Variants in PPP6R1 observed in about 807,000 individuals in gnomAD.
PPP6R1 encodes the protein serine/threonine-protein phosphatase 6 regulatory subunit 1.
In PPP6R1, 39 loss-of-function variants were observed where a neutral mutation model predicts 104.6. The observed-to-expected ratio is 0.37, with a 90% CI of 0.29 to 0.49. The LOEUF (loss-of-function observed/expected upper bound fraction) is 0.49. Among genes scored for constraint, PPP6R1 ranks in the 20% least tolerant of loss-of-function variants. The pLI is 0.98. For synonymous variants in PPP6R1, 549 were observed against 479.0 expected (o/e 1.15, Z -1.91); for missense variants, 1,181 against 1,155.8 (o/e 1.02, Z -0.32).
At chr19:55,243,665 C>CA (rs756399928) in intron 5 of PPP6R1, among the ~76,000 whole-genome samples, 1 of 151,000 alleles carries the variant, frequency 6.6e-6, no homozygotes. Context: ...GACACTGTCT[C>CA]AAAAAAAAGA....
At chr19:55,239,250 C>T (rs553644114) in intron 15 of PPP6R1, 155 bp downstream of exon 15, 3 of 693,896 alleles carry the variant, frequency 4.3e-6, no homozygotes, top group African/African-American at 3.5e-5. Context: ...TGCAGACACA[C>T]ACACAAGGCC....
rs1306773599 is a variant in PPP6R1 at position 55,241,089 on chromosome 19, G to C, written c.1162-10C>G. The C allele has an allele frequency of 1.5e-5, 24 of 1,549,394 alleles. No individual in the cohort carries two copies. Among genetic ancestry groups the C allele is most frequent in the Non-Finnish European group, 2.0e-5 (23 of 1,146,870 alleles). Reference sequence around the variant, plus strand: ...AATGGAAGAAGAGGTCCTATGGGAGGACACAGGATTGGTACCAGAGAGGCC... The same window carrying C: ...AATGGAAGAAGAGGTCCTATGGGAGCACACAGGATTGGTACCAGAGAGGCC... On this transcript the variant is annotated splice_polypyrimidine_tract_variant and intron_variant, in intron 9 of 23. Transcript: ENST00000412770. The surrounding 1 kb of genome is among the most constrained non-coding windows in gnomAD (Gnocchi z 5.4).
At chr19:55,249,700 G>C (rs1221056478) in intron 1 of PPP6R1, among the ~76,000 whole-genome samples, 1 of 152,146 alleles carries the variant, frequency 6.6e-6, no homozygotes, top group East Asian at 1.9e-4. Context: ...AATTAGCCGG[G>C]CATGGTGGTG....
At position 55,241,663 on chromosome 19, in the gene PPP6R1, C is replaced by T. The variant is rs372636042; in HGVS notation, c.846-24G>A. 11 of 1,540,034 alleles carry T rather than the reference C, an allele frequency of 7.1e-6. No individual in the cohort carries two copies. In the East Asian group the frequency reaches 7.2e-5, roughly 10 times the overall value. Reference sequence around the variant, plus strand: ...ACCTGCAGCAGGGCAGGGTCGAAGGCGGAGTGAGCCTAGATGGCCTGTGCG... The same window carrying T: ...ACCTGCAGCAGGGCAGGGTCGAAGGTGGAGTGAGCCTAGATGGCCTGTGCG... On this transcript the variant is annotated intron_variant, in intron 7 of 23. Transcript: ENST00000412770. The surrounding 1 kb of genome is among the most constrained non-coding windows in gnomAD (Gnocchi z 5.4).
intron 15 of PPP6R1, among the ~76,000 whole-genome samples, chr19:55,237,573 T>C (rs1332809540): frequency 6.6e-6 from 1 of 152,200 alleles, no homozygotes; most frequent in Non-Finnish European, 1.5e-5. Flanking sequence ...CAAGGGATCA[T>C]TTGTCTCAAA....
At chr19:55,246,007 T>C (rs1219272866) in intron 2 of PPP6R1, among the ~76,000 whole-genome samples, 3 of 152,174 alleles carry the variant, frequency 2.0e-5, no homozygotes, top group Admixed American at 1.3e-4. Context: ...CAACCCCGTA[T>C]GCTGCCCCAG....
intron 12 of PPP6R1, 36 bp from the exon 13 acceptor site, chr19:55,239,947 T>G: frequency 6.2e-7 from 1 of 1,612,758 alleles, no homozygotes; most frequent in Non-Finnish European, 8.5e-7. Flanking sequence ...GTGAGGCATC[T>G]CGGGGCTTCA....
At chr19:55,249,966 A>C (rs1349447619) in intron 1 of PPP6R1, among the ~76,000 whole-genome samples, 1 of 152,140 alleles carries the variant, frequency 6.6e-6, no homozygotes, top group Non-Finnish European at 1.5e-5. Flanking sequence ...ACTGACCTCC[A>C]TGCCCACGGT....
Position 55,231,466 on chromosome 19 carries a change from G to A in PPP6R1, c.2403C>T (p.Ile801=), listed in dbSNP as rs376475781. The A allele has an allele frequency of 9.2e-5, 148 of 1,608,618 alleles. No individual in the cohort carries two copies. Among genetic ancestry groups the A allele is most frequent in the Middle Eastern group, 1.7e-4 (1 of 5,984 alleles). The change falls in exon 21 of 24, where the codon ATC becomes ATT. Residue 801 remains isoleucine (I), a synonymous_variant. Coordinates refer to ENST00000412770, the MANE Select transcript of PPP6R1 (RefSeq NM_014931.4). ...CGTGGAAGGTGGCCTGAAGGTCCCC[G>A]ATGCTAACCAAGGCCTGGCAAGGGG... ...PSAPCQALVS[I]GDLQATFHGI...
intron 21 of PPP6R1, 118 bp from the exon 22 acceptor site, chr19:55,231,002 G>T: frequency 4.6e-6 from 4 of 861,012 alleles, no homozygotes; most frequent in Non-Finnish European, 7.3e-6. Context: ...CCTGCCCCAC[G>T]GGGAGGGGCC....
chr19:55,245,687 C>A lies in PPP6R1; in HGVS notation c.228-9G>T, dbSNP rs562812932. The A allele has an allele frequency of 4.5e-6, 7 of 1,561,598 alleles. No homozygotes were observed. In the Admixed American group the frequency reaches 1.0e-4, roughly 23 times the overall value. ...AGGCCACACTGGGGTACCTGGGAGG[C>A]AAGCACAGGCGGGTGGGGGCTCGGG... On this transcript the variant is annotated splice_polypyrimidine_tract_variant and intron_variant, in intron 2 of 23. Transcript: ENST00000412770. This position sits in a 1 kb window ranked among gnomAD's most constrained non-coding sequence, Gnocchi z 6.4.
chr19:55,257,924 G>A (rs576840042), intron 1 of PPP6R1, among the ~76,000 whole-genome samples: 8 of 152,360 alleles, frequency 5.3e-5, no homozygotes, highest in East Asian at 1.9e-4. Context: ...CCTCGCACAA[G>A]AAGCCGGAGG....
rs972187771 is a variant in PPP6R1 at position 55,240,228 on chromosome 19, G to A, written c.1361+8C>T. 16 of 1,585,536 alleles carry A rather than the reference G, an allele frequency of 1.0e-5. No individual in the cohort carries two copies. The highest frequency in any genetic ancestry group is 1.4e-5 in the Non-Finnish European group (16 of 1,166,502). ...CCCCTGGAGACATGAAGGGCAGCAG[G>A]TGCTCACTGTACACGGTCGTTCTCC... On this transcript the variant is annotated splice_region_variant and intron_variant, in intron 11 of 23. Transcript: ENST00000412770.
At chr19:55,242,585 A>G in intron 5 of PPP6R1, 97 bp from the exon 6 acceptor site, 3 of 1,008,114 alleles carry the variant, frequency 3.0e-6, no homozygotes. Flanking sequence ...CCATCCAGGG[A>G]AAAATGGTCA....
At chr19:55,250,071 C>A (rs1272003749) in intron 1 of PPP6R1, among the ~76,000 whole-genome samples, 2 of 152,194 alleles carry the variant, frequency 1.3e-5, no homozygotes, top group Non-Finnish European at 2.9e-5. Flanking sequence ...CCGTGGCTGC[C>A]TGAGGCACAG....
rs1321792091 is a variant in PPP6R1, at chr19:55,247,117, C to T, written c.-6-8G>A. 2 of 1,610,552 alleles carry T rather than the reference C, an allele frequency of 1.2e-6. No individual in the cohort carries two copies. Among genetic ancestry groups the T allele is most frequent in the East Asian group, 2.2e-5 (1 of 44,848 alleles). ...CTTCCAAAACATGGCGCCCTGCAGG[C>T]ATAGACACAACCAGCGCCGCGTCAG... On this transcript the variant is annotated splice_region_variant and splice_polypyrimidine_tract_variant and intron_variant, in intron 1 of 23. Coordinates refer to ENST00000412770, the MANE Select transcript of PPP6R1 (RefSeq NM_014931.4).
intron 17 of PPP6R1, chr19:55,232,765 C>T (rs1207141331): frequency 6.5e-6 from 1 of 153,070 alleles, no homozygotes; most frequent in Non-Finnish European, 1.5e-5. Context: ...GACTAACACA[C>T]ACCTGTGAGC....
intron 15 of PPP6R1, among the ~76,000 whole-genome samples, chr19:55,237,875 A>G (rs1324650865): frequency 6.6e-6 from 1 of 152,116 alleles, no homozygotes; most frequent in Non-Finnish European, 1.5e-5. Flanking sequence ...AGATGATCAA[A>G]CCAGTCATCC....
chr19:55,241,872 G>A lies in PPP6R1; in HGVS notation c.846-233C>T, dbSNP rs940626241. Among the ~76,000 whole-genome samples, 3 of 152,236 alleles carry A rather than the reference G, an allele frequency of 2.0e-5. No homozygotes were observed. The highest frequency in any genetic ancestry group is 7.2e-5 in the African/African-American group (3 of 41,466). ...CACGGGTGAGGGGTGGAGGCGGGAA[G>A]GCAAACCCAACAGGCTAGCGGCCTG... On this transcript the variant is annotated intron_variant, in intron 7 of 23. Coordinates refer to ENST00000412770, the MANE Select transcript of PPP6R1 (RefSeq NM_014931.4). The surrounding 1 kb of genome is among the most constrained non-coding windows in gnomAD (Gnocchi z 5.4).
Sources: gnomAD v4.1 joint callset for allele counts (sites outside exome capture counted in the v4.1 genomes callset) on GRCh38, gnomAD v4.1.1 for gene constraint, Gnocchi (gnomAD v3.1) non-coding constraint, MANE v1.5 for transcripts, NCBI Gene and HGNC (gene_info 2026-07-23, HGNC 2026-07-21) for gene names.